The following DENND1A variants were observed in gnomAD, a reference collection of about 807,000 sequenced individuals.
DENND1A encodes the protein DENN domain containing 1A.
DENND1A carries 51 observed loss-of-function variants against 113.7 expected under a neutral mutation model. The observed-to-expected ratio is 0.45, with a 90% CI of 0.36 to 0.57. The LOEUF is 0.57. DENND1A is among the 20% of genes least tolerant of loss of function. The probability of loss-of-function intolerance (pLI) is 0.00; values close to 1 mark genes in which losing one functional copy is unlikely to be tolerated. For missense variants in DENND1A, 1,258 were observed against 1,395.9 expected, an observed-to-expected ratio of 0.90 and a Z score of 1.57; for synonymous variants, 565 against 570.8, an observed-to-expected ratio of 0.99 and a Z score of 0.14.
Position 123,382,014 on chromosome 9 carries a change from G to T in DENND1A, c.2631C>A (p.Ser877Arg). The T allele has an allele frequency of 6.8e-7, 1 of 1,468,764 alleles. No individual in the cohort carries two copies. Among genetic ancestry groups the T allele is most frequent in the Non-Finnish European group, 9.0e-7 (1 of 1,110,252 alleles). The allele number at this position is 1,468,764 out of a possible 1,614,324, so 91.0% of individuals were successfully genotyped here. A position where few individuals can be genotyped will look rare whatever the true frequency, so the allele number is the denominator to read the frequency against. ...NVATPFTPQFSFPPAGTPTPF... is the reference protein window; with the variant it reads ...NVATPFTPQFRFPPAGTPTPF... ...GGGTGGGTGTCCCTGCAGGGGGGAA[G>T]CTGAATTGGGGGGTGAATGGGGTGG... The change falls in exon 24 of 24, where the codon AGC (serine) becomes AGA (arginine). Residue 877 changes from serine (S) to arginine (R), a missense_variant. By Grantham distance (110) the Ser-to-Arg change is moderately radical (BLOSUM62 -1). Around this residue, in one of 2 missense-constraint regions of DENND1A, gnomAD observed 1,159 missense variants for 1,231.7 expected, o/e 0.94. Transcript: ENST00000394215.
intron 5 of DENND1A, among the ~76,000 whole-genome samples, chr9:123,730,057 T>A (rs950100356): frequency 2.0e-5 from 3 of 152,172 alleles, no homozygotes; most frequent in African/African-American, 4.8e-5. Flanking sequence ...GCTAGCCATA[T>A]GAGGAAACTA....
intron 11 of DENND1A, among the ~76,000 whole-genome samples, chr9:123,587,010 G>C (rs112234961): frequency 6.6e-6 from 1 of 151,852 alleles, no homozygotes; most frequent in Admixed American, 6.6e-5. Flanking sequence ...TTCCCAGGTG[G>C]ATCGGCAGGT....
intron 9 of DENND1A, among the ~76,000 whole-genome samples, chr9:123,640,060 A>T (rs1202451128): frequency 6.6e-6 from 1 of 152,184 alleles, no homozygotes; most frequent in Non-Finnish European, 1.5e-5. Context: ...CTTAGCCCCC[A>T]TGAAACTGCT....
At chr9:123,879,607 G>A (rs1424807519) in intron 1 of DENND1A, among the ~76,000 whole-genome samples, 1 of 151,796 alleles carries the variant, frequency 6.6e-6, no homozygotes, top group Non-Finnish European at 1.5e-5. Context: ...GCACATAATA[G>A]GCTAGCCATT....
At chr9:123,609,739 G>A (rs754573062) in intron 10 of DENND1A, among the ~76,000 whole-genome samples, 6 of 152,110 alleles carry the variant, frequency 3.9e-5, no homozygotes, top group Non-Finnish European at 7.4e-5. Context: ...CCTAAAGAGC[G>A]GCTCTGCAAC....
At chr9:123,659,590 C>T (rs2063127595) in intron 8 of DENND1A, among the ~76,000 whole-genome samples, 1 of 152,206 alleles carries the variant, frequency 6.6e-6, no homozygotes, top group Non-Finnish European at 1.5e-5. Flanking sequence ...AAAGCAGCAT[C>T]TCCATCAAAC....
At chr9:123,812,062 C>G (rs111774204) in intron 2 of DENND1A, among the ~76,000 whole-genome samples, 3,058 of 152,276 alleles carry the variant, frequency 0.02, 50 homozygotes, top group Non-Finnish European at 0.027. Flanking sequence ...CCTTCCACCC[C>G]TTATCCCATT....
chr9:123,491,115 T>C (rs1394963970), intron 13 of DENND1A, among the ~76,000 whole-genome samples: 1 of 152,224 alleles, frequency 6.6e-6, no homozygotes, highest in African/African-American at 2.4e-5. Flanking sequence ...TCACCAGCAA[T>C]GATCCGGTGT....
intron 13 of DENND1A, among the ~76,000 whole-genome samples, chr9:123,514,017 A>C (rs951436981): frequency 6.6e-6 from 1 of 151,814 alleles, no homozygotes; most frequent in Non-Finnish European, 1.5e-5. Flanking sequence ...TCCCTCCCCA[A>C]GTCCAAAAGT....
Position 123,676,793 on chromosome 9 carries a change from G to A in DENND1A, c.303-4C>T. ...TACCTCGAACCAGGGGAGATAGCTG[G>A]AGGAAGAAGAGGAAACACATGAAAT... On this transcript the variant is annotated splice_region_variant and splice_polypyrimidine_tract_variant and intron_variant, in intron 5 of 23. Transcript: ENST00000394215. The A allele has an allele frequency of 1.3e-5, 21 of 1,613,744 alleles. No individual in the cohort carries two copies. The highest frequency in any genetic ancestry group is 1.8e-5 in the Non-Finnish European group (21 of 1,179,738).
chr9:123,883,112 T>C (rs1008821883), intron 1 of DENND1A, among the ~76,000 whole-genome samples: 4 of 152,196 alleles, frequency 2.6e-5, no homozygotes, highest in East Asian at 1.9e-4. Context: ...CTTCTTGGCA[T>C]TGAAAACTCA....
At chr9:123,661,248 TTAACAGACTTTCCCACACC>T (rs2063219069) in intron 8 of DENND1A, among the ~76,000 whole-genome samples, 1 of 152,194 alleles carries the variant, frequency 6.6e-6, no homozygotes, top group Admixed American at 6.5e-5. Context: ...AATGAGCTAG[TTAACAGACTTTCCCACACC>T]TCTCCAGAGG....
chr9:123,690,327 T>A (rs1047282682), intron 5 of DENND1A, among the ~76,000 whole-genome samples: 2 of 152,222 alleles, frequency 1.3e-5, no homozygotes, highest in South Asian at 4.1e-4. Context: ...CTACAGCTTA[T>A]GTATTGAGCA....
chr9:123,650,906 CAAAAAAAAAAAA>C (rs76905879), intron 9 of DENND1A, among the ~76,000 whole-genome samples: 1 of 35,654 alleles, frequency 2.8e-5, no homozygotes, highest in Non-Finnish European at 7.1e-5. Flanking sequence ...GACTCTGTCT[CAAAAAAAAAAAA>C]AAAAAAAAAA....
intron 9 of DENND1A, among the ~76,000 whole-genome samples, chr9:123,648,794 G>C (rs896056463): frequency 6.6e-6 from 1 of 151,940 alleles, no homozygotes; most frequent in South Asian, 2.1e-4. Context: ...TGATCCATTT[G>C]GAATTTATTT....
At chr9:123,694,855 T>C (rs146103189) in intron 5 of DENND1A, among the ~76,000 whole-genome samples, 445 of 152,262 alleles carry the variant, frequency 2.9e-3, no homozygotes, top group Non-Finnish European at 5.3e-3. Context: ...GTCAACTTGA[T>C]TGAATTGAAG....
chr9:123,494,231 T>A (rs528692507), intron 13 of DENND1A, among the ~76,000 whole-genome samples: 78 of 152,294 alleles, frequency 5.1e-4, no homozygotes, highest in African/African-American at 1.9e-3. Context: ...CTGACTTTTT[T>A]ACACTGGCTG....
At chr9:123,857,501 T>C (rs1344202402) in intron 2 of DENND1A, among the ~76,000 whole-genome samples, 4 of 152,198 alleles carry the variant, frequency 2.6e-5, no homozygotes, top group African/African-American at 9.7e-5. Flanking sequence ...AGGAGGAACT[T>C]TTCAGTAGAC....
intron 20 of DENND1A, among the ~76,000 whole-genome samples, chr9:123,408,208 G>A (rs1398795397): frequency 1.3e-5 from 2 of 152,202 alleles, no homozygotes; most frequent in Non-Finnish European, 2.9e-5. Flanking sequence ...TGACATGGGA[G>A]CTTGGTAGGC....
Sources: allele counts gnomAD v4.1 joint callset (sites outside exome capture counted in the v4.1 genomes callset), GRCh38; gene constraint gnomAD v4.1.1; regional missense constraint gnomAD v4.1.1; transcripts MANE v1.5; gene names NCBI Gene and HGNC (gene_info 2026-07-23, HGNC 2026-07-21).